RERE: variants seen among roughly 807,000 people sequenced by gnomAD.
The protein encoded by RERE is arginine-glutamic acid dipeptide repeats.
Under a neutral mutation model 146.1 loss-of-function variants are expected in RERE, and 40 were observed. The ratio of observed to expected loss-of-function variants is 0.27; its 90% CI spans 0.21 to 0.36. RERE has a LOEUF of 0.36. Among genes scored for constraint, RERE ranks in the 10% least tolerant of loss-of-function variants. The probability of loss-of-function intolerance (pLI) is 1.00; values close to 1 mark genes in which losing one functional copy is unlikely to be tolerated. For missense variants in RERE, 1,933 were observed against 2,138.7 expected, an observed-to-expected ratio of 0.90 and a Z score of 1.90; for synonymous variants, 1,003 against 866.0, an observed-to-expected ratio of 1.16 and a Z score of -2.78.
chr1:8,667,944 T>C (rs998203157), intron 1 of RERE, among the ~76,000 whole-genome samples: 1 of 152,210 alleles, frequency 6.6e-6, no homozygotes, highest in African/African-American at 2.4e-5. Flanking sequence ...TTTCGCAGCA[T>C]TCCTGGCCTC....
chr1:8,576,153 T>A (rs1646291886), intron 4 of RERE, among the ~76,000 whole-genome samples: 1 of 151,812 alleles, frequency 6.6e-6, no homozygotes, highest in South Asian at 2.1e-4. Flanking sequence ...GAAACACACA[T>A]CCATTATGTA....
intron 1 of RERE, among the ~76,000 whole-genome samples, chr1:8,760,847 C>T (rs912270134): frequency 2.6e-5 from 4 of 152,182 alleles, no homozygotes; most frequent in African/African-American, 9.7e-5. Context: ...CAGCAAGACT[C>T]TCAGGGCAAC....
chr1:8,652,910 T>C (rs1306229252), intron 2 of RERE, among the ~76,000 whole-genome samples: 1 of 152,206 alleles, frequency 6.6e-6, no homozygotes, highest in African/African-American at 2.4e-5. Flanking sequence ...CATAGAGCAC[T>C]GCAACCTTGA....
intron 1 of RERE, among the ~76,000 whole-genome samples, chr1:8,773,615 G>A (rs1330503462): frequency 6.6e-6 from 1 of 152,172 alleles, no homozygotes; most frequent in East Asian, 1.9e-4. Flanking sequence ...CACAAGGTGA[G>A]GAGTTCGAGA....
intron 12 of RERE, among the ~76,000 whole-genome samples, chr1:8,369,733 AG>A (rs1641958716): frequency 6.6e-6 from 1 of 152,030 alleles, no homozygotes; most frequent in Admixed American, 6.6e-5. Flanking sequence ...TTTACCCAAA[AG>A]AAAAAAAAAA....
intron 4 of RERE, among the ~76,000 whole-genome samples, chr1:8,559,218 T>C (rs1646043013): frequency 7.6e-6 from 1 of 131,194 alleles, no homozygotes; most frequent in Non-Finnish European, 1.5e-5. Context: ...AGGCGGAAGT[T>C]GAGGTGAGCC....
At chr1:8,726,147 C>CTTTTTTTTTTTTTTTTT (rs70985511) in intron 1 of RERE, among the ~76,000 whole-genome samples, 4 of 69,404 alleles carry the variant, frequency 5.8e-5, no homozygotes, top group African/African-American at 2.0e-4. Context: ...TTTTTCTTTT[C>CTTTTTTTTTTTTTTTTT]TTTTTTTTTT....
At chr1:8,722,472 T>C (rs911828566) in intron 1 of RERE, among the ~76,000 whole-genome samples, 2 of 152,200 alleles carry the variant, frequency 1.3e-5, no homozygotes, top group African/African-American at 4.8e-5. Flanking sequence ...TTACCTCCTC[T>C]TTTATAAGTG....
chr1:8,676,066 A>G (rs1570596106), intron 1 of RERE, among the ~76,000 whole-genome samples: 4 of 152,242 alleles, frequency 2.6e-5, no homozygotes, highest in African/African-American at 7.2e-5. Context: ...TATGAAGTCT[A>G]TATGTAAGAA....
chr1:8,788,195 A>G (rs1348611704), intron 1 of RERE, among the ~76,000 whole-genome samples: 5 of 152,218 alleles, frequency 3.3e-5, no homozygotes, highest in Non-Finnish European at 5.9e-5. Context: ...AAATAAGCCA[A>G]GTGCCCAATA....
At chr1:8,667,920 T>C (rs2124364298) in intron 1 of RERE, among the ~76,000 whole-genome samples, 1 of 152,340 alleles carries the variant, frequency 6.6e-6, no homozygotes, top group South Asian at 2.1e-4. Context: ...GGCTATCCTG[T>C]GCATTGTAGG....
At chr1:8,787,830 C>CAAAA (rs1254862943) in intron 1 of RERE, among the ~76,000 whole-genome samples, 1 of 117,946 alleles carries the variant, frequency 8.5e-6, no homozygotes. Context: ...GACTCTGCCT[C>CAAAA]AAAAAAAAAA....
At chr1:8,417,938 G>C (rs1643823083) in intron 12 of RERE, among the ~76,000 whole-genome samples, 1 of 152,092 alleles carries the variant, frequency 6.6e-6, no homozygotes, top group Non-Finnish European at 1.5e-5. Context: ...CTCCCAACCT[G>C]GGCCTGTCAA....
At position 8,356,129 on chromosome 1, in the gene RERE, T is replaced by C; in HGVS notation, c.4457A>G (p.Glu1486Gly). The change falls in exon 21 of 23, where the codon GAG (glutamate) becomes GGG (glycine). Residue 1486 changes from glutamate (E) to glycine (G), a missense_variant. Transcript: ENST00000400908. The surrounding 1 kb of genome is among the most constrained non-coding windows in gnomAD (Gnocchi z 5.2). The stretch of plus-strand genomic sequence containing the variant: ...AACTGGGTGGCGAAGCATCTCGTGC[T>C]CGTGTGGGGGCTGTCCAAGCAGAGG... Reference protein sequence around the residue: ...PNPLLGQPPHEHEMLRHPVFG... With the variant: ...PNPLLGQPPHGHEMLRHPVFG... 6.6e-7 allele frequency: 1 copy of C among 1,507,776 alleles called. No homozygotes were observed. The highest frequency in any genetic ancestry group is 8.8e-7 in the Non-Finnish European group (1 of 1,131,748). 93.4% of individuals were successfully genotyped at this position (1,507,776 alleles called of 1,614,324 possible).
intron 11 of RERE, among the ~76,000 whole-genome samples, chr1:8,450,070 C>T (rs1644372378): frequency 6.6e-6 from 1 of 152,156 alleles, no homozygotes. Context: ...ATGCAAATCC[C>T]ATGAGAACAG....
chr1:8,358,013 G>A (rs1417793351), intron 20 of RERE, among the ~76,000 whole-genome samples, 183 bp downstream of exon 20: 4 of 152,270 alleles, frequency 2.6e-5, no homozygotes, highest in African/African-American at 9.6e-5. Flanking sequence ...CTGCGGGGCC[G>A]AGGAGAGACT....
At chr1:8,457,322 G>A (rs1644463450) in intron 11 of RERE, among the ~76,000 whole-genome samples, 1 of 152,138 alleles carries the variant, frequency 6.6e-6, no homozygotes, top group African/African-American at 2.4e-5. Context: ...CCAAACACAT[G>A]CTGCTTCCTG....
At chr1:8,370,111 A>C (rs1373834724) in intron 12 of RERE, among the ~76,000 whole-genome samples, 1 of 152,042 alleles carries the variant, frequency 6.6e-6, no homozygotes, top group African/African-American at 2.4e-5. Context: ...TTAACAGTCC[A>C]AACTGGAAAC....
chr1:8,645,223 C>T (rs550280968), intron 2 of RERE, among the ~76,000 whole-genome samples: 37 of 152,286 alleles, frequency 2.4e-4, no homozygotes, highest in African/African-American at 8.4e-4. Context: ...GTTCACAGTG[C>T]CCTTTGCAAT....
Sources: gnomAD v4.1 joint callset for allele counts (sites outside exome capture counted in the v4.1 genomes callset) on GRCh38, gnomAD v4.1.1 for gene constraint, Gnocchi (gnomAD v3.1) non-coding constraint, MANE v1.5 for transcripts, NCBI Gene and HGNC (gene_info 2026-07-23, HGNC 2026-07-21) for gene names.